The following ANXA4 variants were observed in gnomAD, a reference collection of about 807,000 sequenced individuals.
The protein encoded by ANXA4 is annexin A4.
Under a neutral mutation model 49.8 loss-of-function variants are expected in ANXA4, and 39 were observed. The observed-to-expected ratio is 0.78, with a 90% confidence interval of 0.61 to 1.02. The LOEUF (loss-of-function observed/expected upper bound fraction) is 1.02. ANXA4 is among the 50% of genes least tolerant of loss of function. The probability of loss-of-function intolerance (pLI) is 0.00; values close to 1 mark genes in which losing one functional copy is unlikely to be tolerated. For synonymous variants in ANXA4, 134 were observed against 152.5 expected, an observed-to-expected ratio of 0.88 and a Z score of 0.89; for missense variants, 360 against 410.1, an observed-to-expected ratio of 0.88 and a Z score of 1.05.
intron 2 of ANXA4, among the ~76,000 whole-genome samples, chr2:69,656,980 G>A (rs1676526293): frequency 6.6e-6 from 1 of 151,372 alleles, no homozygotes; most frequent in Non-Finnish European, 1.5e-5. Flanking sequence ...TGTTTTTACT[G>A]ATATAATCAC....
chr2:69,818,311 A>C (rs1420046618), intron 9 of ANXA4: 3 of 206,780 alleles, frequency 1.5e-5, no homozygotes, highest in Admixed American at 5.9e-5. Flanking sequence ...TGAGAAAGGA[A>C]AGCAAAGCTC....
At chr2:69,793,250 CA>C (rs70954360) in intron 3 of ANXA4, among the ~76,000 whole-genome samples, 139 of 128,320 alleles carry the variant, frequency 1.1e-3, no homozygotes, top group Middle Eastern at 7.7e-3. Flanking sequence ...GACTCCATCT[CA>C]AAAAAAAAAA....
chr2:69,698,575 G>A (rs1573116204), intron 2 of ANXA4, among the ~76,000 whole-genome samples: 1 of 152,276 alleles, frequency 6.6e-6, no homozygotes, highest in East Asian at 1.9e-4. Context: ...GGGGGCAGGA[G>A]TGTCACCTAT....
At chr2:69,812,911 C>T (rs1410745446) in intron 8 of ANXA4, among the ~76,000 whole-genome samples, 3 of 152,184 alleles carry the variant, frequency 2.0e-5, no homozygotes, top group Non-Finnish European at 2.9e-5. Context: ...ATAAGCACTC[C>T]TGGGTTCCAA....
At chr2:69,720,716 A>T (rs1325472598) in intron 2 of ANXA4, 1 of 152,220 alleles carries the variant, frequency 6.6e-6, no homozygotes, top group Non-Finnish European at 1.5e-5. Flanking sequence ...CTATATGTGA[A>T]CATCATTAAA....
At chr2:69,744,478 A>G (rs1352051540) in intron 1 of ANXA4, among the ~76,000 whole-genome samples, 1 of 152,234 alleles carries the variant, frequency 6.6e-6, no homozygotes, top group African/African-American at 2.4e-5. Flanking sequence ...AAGAAACCTC[A>G]AAAACATTTT....
intron 1 of ANXA4, among the ~76,000 whole-genome samples, chr2:69,754,288 C>A (rs573743648): frequency 1.3e-5 from 2 of 152,166 alleles, no homozygotes; most frequent in Non-Finnish European, 2.9e-5. Flanking sequence ...TCTATACTTA[C>A]GAAATGCCCA....
At chr2:69,758,561 G>A (rs1390079759) in intron 1 of ANXA4, among the ~76,000 whole-genome samples, 2 of 152,218 alleles carry the variant, frequency 1.3e-5, no homozygotes, top group South Asian at 2.1e-4. Context: ...GTTCCAGGCT[G>A]CAGTGAGCTA....
At chr2:69,682,153 G>T (rs141407123) in intron 2 of ANXA4, among the ~76,000 whole-genome samples, 1 of 152,142 alleles carries the variant, frequency 6.6e-6, no homozygotes, top group East Asian at 1.9e-4. Flanking sequence ...TGCCTGGCCC[G>T]TTCTTGCTTT....
intron 1 of ANXA4, among the ~76,000 whole-genome samples, chr2:69,780,673 T>A (rs1448723618): frequency 6.6e-6 from 1 of 152,070 alleles, no homozygotes; most frequent in African/African-American, 2.4e-5. Context: ...GTCCAGGAGT[T>A]CGAGGCTGCA....
At chr2:69,732,560 G>A (rs1573162345) in intron 3 of ANXA4, among the ~76,000 whole-genome samples, 1 of 151,800 alleles carries the variant, frequency 6.6e-6, no homozygotes, top group African/African-American at 2.4e-5. Flanking sequence ...GGAGTTCGAG[G>A]CCAGCCTGAC....
intron 9 of ANXA4, chr2:69,816,522 T>A (rs575751729): frequency 1.3e-3 from 301 of 228,446 alleles, no homozygotes; most frequent in Non-Finnish European, 2.0e-3. Context: ...ATGAAAGTAA[T>A]CTGTAGTAGA....
intron 1 of ANXA4, among the ~76,000 whole-genome samples, chr2:69,764,407 G>C (rs748094456): frequency 1.2e-4 from 19 of 152,266 alleles, no homozygotes; most frequent in Middle Eastern, 3.4e-3. Flanking sequence ...TTAAATAACA[G>C]TTATACTTGA....
Position 69,673,687 on chromosome 2 carries a change from G to GACACACAC in ANXA4, n.766+20439_766+20446dup, listed in dbSNP as rs72114703. On this transcript the variant is annotated intron_variant and non_coding_transcript_variant, in intron 2 of 3. Transcript: ENST00000418066. ...AAAGAAAAGAAACATTTTTTTCAAA[G>GACACACAC]ACACACACACACACACACACACACA... Among the ~76,000 whole-genome samples the GACACACAC allele has an allele frequency of 6.3e-4, 88 of 139,222 alleles. 1 individual carries two copies. Among genetic ancestry groups the GACACACAC allele is most frequent in the African/African-American group, 1.9e-3 (70 of 37,388 alleles). 91.3% of individuals were successfully genotyped at this position (139,222 alleles called of 152,430 possible). A position where few individuals can be genotyped will look rare whatever the true frequency, so the allele number is the denominator to read the frequency against.
chr2:69,700,259 A>G (rs961488652), intron 2 of ANXA4: 4 of 152,162 alleles, frequency 2.6e-5, no homozygotes, highest in African/African-American at 9.7e-5. Context: ...AAGCATGCTT[A>G]TAGTCCCAGC....
chr2:69,668,140 A>G (rs1383376899), intron 2 of ANXA4, among the ~76,000 whole-genome samples: 2 of 152,226 alleles, frequency 1.3e-5, no homozygotes, highest in East Asian at 1.9e-4. Context: ...GGGGCCATTA[A>G]TACTATGCAT....
intron 2 of ANXA4, among the ~76,000 whole-genome samples, chr2:69,786,284 C>T (rs925073331): frequency 1.3e-5 from 2 of 152,178 alleles, no homozygotes; most frequent in African/African-American, 2.4e-5. Flanking sequence ...CAAGTTCTGT[C>T]GCCTTTGCTC....
At chr2:69,806,916 AAAT>A (rs1274057088) in intron 5 of ANXA4, among the ~76,000 whole-genome samples, 3 of 152,180 alleles carry the variant, frequency 2.0e-5, no homozygotes, top group African/African-American at 7.2e-5. Context: ...CTGGGTAATG[AAAT>A]AATCTGTACA....
chr2:69,783,320 G>GT (rs1672279110), intron 2 of ANXA4, among the ~76,000 whole-genome samples: 1 of 151,996 alleles, frequency 6.6e-6, no homozygotes, highest in South Asian at 2.1e-4. Context: ...GGTTTAAGCG[G>GT]TTCCCCTGCC....
Sources: allele counts gnomAD v4.1 joint callset (sites outside exome capture counted in the v4.1 genomes callset), GRCh38; gene constraint gnomAD v4.1.1; transcripts MANE v1.5; gene names NCBI Gene and HGNC (gene_info 2026-07-23, HGNC 2026-07-21).